The following DNAI4 variants were observed in gnomAD, a reference collection of about 807,000 sequenced individuals.
DNAI4 encodes WD repeat domain 78.
In DNAI4, 85 loss-of-function variants were observed where a neutral mutation model predicts 105.8. The observed-to-expected ratio is 0.80, with a 90% CI of 0.67 to 0.96. DNAI4 has a LOEUF of 0.96. Ranked by LOEUF, DNAI4 falls within the 40% of genes least tolerant of loss-of-function variation. DNAI4 has a pLI of 0.00. For missense variants in DNAI4, 1,014 were observed against 1,005.6 expected (o/e 1.01, Z -0.11); for synonymous variants, 352 against 331.5 (o/e 1.06, Z -0.67).
chr1:66,836,423 A>G (rs1371285554), intron 10 of DNAI4, among the ~76,000 whole-genome samples: 1 of 152,194 alleles, frequency 6.6e-6, no homozygotes, highest in Non-Finnish European at 1.5e-5. Context: ...GATTAGTATC[A>G]CCATCACCTG....
At chr1:66,856,950 C>T (rs1420291940) in intron 7 of DNAI4, among the ~76,000 whole-genome samples, 1 of 151,472 alleles carries the variant, frequency 6.6e-6, no homozygotes, top group Non-Finnish European at 1.5e-5. Flanking sequence ...AAACATAAAC[C>T]TAAAGCAAGC....
At chr1:66,896,668 T>C (rs983069427) in intron 2 of DNAI4, among the ~76,000 whole-genome samples, 3 of 152,040 alleles carry the variant, frequency 2.0e-5, no homozygotes, top group Non-Finnish European at 4.4e-5. Flanking sequence ...TAAAAGCCAG[T>C]TTCCCTATCT....
At chr1:66,843,466 T>C (rs1646198031) in intron 8 of DNAI4, among the ~76,000 whole-genome samples, 1 of 152,176 alleles carries the variant, frequency 6.6e-6, no homozygotes, top group Non-Finnish European at 1.5e-5. Context: ...GAAAATATTA[T>C]CTTCAGTATG....
intron 13 of DNAI4, among the ~76,000 whole-genome samples, chr1:66,830,242 AT>A (rs1645838151): frequency 1.3e-5 from 2 of 152,262 alleles, no homozygotes; most frequent in African/African-American, 2.4e-5. Flanking sequence ...CAAAAAAAAA[AT>A]AGTGAAAACC....
chr1:66,918,586 T>C (rs1650244105), intron 1 of DNAI4, among the ~76,000 whole-genome samples: 1 of 152,180 alleles, frequency 6.6e-6, no homozygotes, highest in Non-Finnish European at 1.5e-5. Flanking sequence ...CAGAGTAATA[T>C]AGCCTATATC....
chr1:66,912,501 C>T (rs1649735546), intron 1 of DNAI4, among the ~76,000 whole-genome samples: 1 of 151,988 alleles, frequency 6.6e-6, no homozygotes, highest in Non-Finnish European at 1.5e-5. Flanking sequence ...AGACTGCAGC[C>T]ATTTGTCTCT....
At position 66,890,895 on chromosome 1, in the gene DNAI4, C is replaced by A. The variant is rs370914772; in HGVS notation, c.643+259G>T. The A allele has an allele frequency of 2.2e-6, 1 of 456,900 alleles. No homozygotes were observed. The highest frequency in any genetic ancestry group is 2.4e-5 in the African/African-American group (1 of 41,226). The allele number at this position is 456,900 out of a possible 1,614,324, so 28.3% of individuals were successfully genotyped here. A position where few individuals can be genotyped will look rare whatever the true frequency, so the allele number is the denominator to read the frequency against. ...GAAGAAGAAGAAGAAGCAGAAGCAG[C>A]AGCAGCAACAGCAGCAGCAGAAGCA... On this transcript the variant is annotated intron_variant, in intron 4 of 16. Coordinates refer to ENST00000371026, the MANE Select transcript of DNAI4 (RefSeq NM_024763.5). The surrounding 1 kb of genome is among the most constrained non-coding windows in gnomAD (Gnocchi z 4.1).
chr1:66,830,000 G>T lies in DNAI4; in HGVS notation c.2014-2090C>A, dbSNP rs1447366317. Among the ~76,000 whole-genome samples, 13 of 152,264 alleles carry T rather than the reference G, an allele frequency of 8.5e-5. No homozygotes were observed. The East Asian group carries it at 2.3e-3, about 27-fold the overall frequency. The stretch of plus-strand genomic sequence containing the variant: ...AAAGAAGAAATCAAGGGTGAAACTG[G>T]TAATTTGAACAGAATGAAAATGAAA... On this transcript the variant is annotated intron_variant, in intron 13 of 16. Coordinates refer to ENST00000371026, the MANE Select transcript of DNAI4 (RefSeq NM_024763.5).
At chr1:66,876,706 T>C (rs1483322791) in intron 4 of DNAI4, among the ~76,000 whole-genome samples, 1 of 152,166 alleles carries the variant, frequency 6.6e-6, no homozygotes, top group Non-Finnish European at 1.5e-5. Flanking sequence ...CCCCTAACTT[T>C]AGACTGGCTG....
rs1247976277 is a variant in DNAI4, at chr1:66,814,050, G to A, written c.*80C>T. 10 of 1,007,284 alleles carry A rather than the reference G, an allele frequency of 9.9e-6. No individual in the cohort carries two copies. In the East Asian group the frequency reaches 2.2e-4, roughly 22 times the overall value. The allele number at this position is 1,007,284 out of a possible 1,614,324, so 62.4% of individuals were successfully genotyped here. ...TATTGTTTTCTGAAATCAAAATCTG[G>A]TGTACAGTATGTAATACAGAATATT... is the stretch of plus-strand genomic sequence containing the variant. On this transcript the variant is annotated 3_prime_UTR_variant, in exon 17 of 17. Coordinates refer to ENST00000371026, the MANE Select transcript of DNAI4 (RefSeq NM_024763.5).
intron 4 of DNAI4, 94 bp from the exon 5 acceptor site, chr1:66,875,031 T>C: frequency 8.5e-7 from 1 of 1,182,316 alleles, no homozygotes; most frequent in South Asian, 1.6e-5. Flanking sequence ...ATGGGTAATA[T>C]ATTGCAGGTG....
intron 1 of DNAI4, among the ~76,000 whole-genome samples, chr1:66,913,824 T>C (rs2100871988): frequency 6.6e-6 from 1 of 151,650 alleles, no homozygotes; most frequent in South Asian, 2.1e-4. Context: ...CTACTAAAAA[T>C]ACAAAAAATT....
intron 8 of DNAI4, among the ~76,000 whole-genome samples, chr1:66,845,197 A>AAG (rs1646248402): frequency 3.1e-5 from 1 of 32,432 alleles, no homozygotes; most frequent in Non-Finnish European, 9.4e-5. Context: ...TCTCAAAAAA[A>AAG]AAAAAAAAAA....
intron 3 of DNAI4, 81 bp from the exon 4 acceptor site, chr1:66,891,347 C>CAGATGG: frequency 1.1e-6 from 1 of 928,000 alleles, no homozygotes; most frequent in Non-Finnish European, 1.7e-6. Flanking sequence ...AACATATTAT[C>CAGATGG]AGATGGAGAA....
At chr1:66,893,903 T>G (rs1194820195) in intron 2 of DNAI4, among the ~76,000 whole-genome samples, 1 of 152,190 alleles carries the variant, frequency 6.6e-6, no homozygotes, top group African/African-American at 2.4e-5. Context: ...TCCTATCACC[T>G]AGTGACATCA....
chr1:66,880,848 C>T (rs1159590204), intron 4 of DNAI4, among the ~76,000 whole-genome samples: 2 of 152,158 alleles, frequency 1.3e-5, no homozygotes, highest in East Asian at 1.9e-4. Flanking sequence ...GGCAGCCCCT[C>T]GCATCACAAG....
At chr1:66,862,006 A>T (rs1397691891) in intron 7 of DNAI4, 141 bp downstream of exon 7, 1 of 757,044 alleles carries the variant, frequency 1.3e-6, no homozygotes, top group Non-Finnish European at 2.0e-6. Flanking sequence ...ACCATGTGAT[A>T]GAGTAATAGT....
intron 7 of DNAI4, among the ~76,000 whole-genome samples, chr1:66,852,444 TCAA>T (rs1646416190): frequency 6.6e-6 from 1 of 151,896 alleles, no homozygotes; most frequent in Non-Finnish European, 1.5e-5. Context: ...ATATCTCTCA[TCAA>T]CATCAACATA....
chr1:66,827,481 C>T (rs1383958290), intron 14 of DNAI4, among the ~76,000 whole-genome samples: 1 of 151,538 alleles, frequency 6.6e-6, no homozygotes, highest in African/African-American at 2.4e-5. Flanking sequence ...ACAGTGAGAC[C>T]CATCTCTTAA....
Sources: allele counts gnomAD v4.1 joint callset (sites outside exome capture counted in the v4.1 genomes callset), GRCh38; gene constraint gnomAD v4.1.1; non-coding constraint Gnocchi (gnomAD v3.1); transcripts MANE v1.5; gene names NCBI Gene and HGNC (gene_info 2026-07-23, HGNC 2026-07-21).